The following LONRF2 variants were observed in gnomAD, a reference collection of about 807,000 sequenced individuals.
LONRF2 encodes LON peptidase N-terminal domain and RING finger protein 2.
Under a neutral mutation model 66.6 loss-of-function variants are expected in LONRF2, and 35 were observed. The ratio of observed to expected loss-of-function variants is 0.53; its 90% CI spans 0.40 to 0.70. The LOEUF is 0.70. Ranked by LOEUF, LONRF2 falls within the 30% of genes least tolerant of loss-of-function variation. The pLI, the probability that LONRF2 is intolerant of heterozygous loss-of-function variation, is 0.00. For missense variants in LONRF2, 902 were observed against 1,002.1 expected, an observed-to-expected ratio of 0.90 and a Z score of 1.35; for synonymous variants, 417 against 418.1, an observed-to-expected ratio of 1.00 and a Z score of 0.03.
In LONRF2 at chr2:100,321,831, C is replaced by A. The variant is rs1256793607; in HGVS notation, c.263G>T (p.Gly88Val). ...LGAFRGAARL[G>V]ALRPEELEEL... is the part of the protein sequence containing the mutation. Reference sequence around the variant, plus strand: ...TTCCAGCTCCTCCGGCCGCAGCGCCCCGAGCCGCGCGGCGCCGCGGAACGC... The same window carrying A: ...TTCCAGCTCCTCCGGCCGCAGCGCCACGAGCCGCGCGGCGCCGCGGAACGC... The change falls in exon 1 of 12, where the codon GGG becomes GTG. Residue 88 changes from glycine (G) to valine (V), a missense_variant. Physicochemically the swap from Gly to Val is moderately radical, Grantham distance 109. Coordinates refer to ENST00000393437, the MANE Select transcript of LONRF2 (RefSeq NM_198461.4). The A allele has an allele frequency of 4.4e-6, 5 of 1,124,126 alleles. No individual in the cohort carries two copies. The East Asian group carries it at 2.8e-4, about 64-fold the overall frequency. 69.6% of individuals were successfully genotyped at this position (1,124,126 alleles called of 1,614,324 possible). A position where few individuals can be genotyped will look rare whatever the true frequency, so the allele number is the denominator to read the frequency against.
Position 100,322,244 on chromosome 2 carries a change from C to G in LONRF2, c.-151G>C, listed in dbSNP as rs1675654993. The G allele has an allele frequency of 1.3e-6, 1 of 762,172 alleles. No homozygotes were observed. Among genetic ancestry groups the G allele is most frequent in the Non-Finnish European group, 1.7e-6 (1 of 574,002 alleles). 47.2% of individuals were successfully genotyped at this position (762,172 alleles called of 1,614,324 possible). On this transcript the variant is annotated 5_prime_UTR_variant, in exon 1 of 12. Transcript: ENST00000393437. ...GCGGCGCGCTGCGAGCGGCTGAGAC[C>G]GCGGGCGGGGGCGGGCGCCTGGCTT... is the stretch of plus-strand genomic sequence containing the variant.
At chr2:100,312,470 T>C (rs2104208375) in intron 1 of LONRF2, among the ~76,000 whole-genome samples, 1 of 152,348 alleles carries the variant, frequency 6.6e-6, no homozygotes, top group Non-Finnish European at 1.5e-5. Flanking sequence ...GCTTATACTA[T>C]CTTTGTGTTA....
chr2:100,299,351 T>A (rs760822683), intron 5 of LONRF2, 32 bp from the exon 6 acceptor site: 7 of 1,338,840 alleles, frequency 5.2e-6, no homozygotes, highest in Non-Finnish European at 7.3e-6. Context: ...ACGCTGTAAT[T>A]AACACCTAAG....
At position 100,299,327 on chromosome 2, in the gene LONRF2, C is replaced by G. The variant is rs997415790; in HGVS notation, c.1268-8G>C. The G allele has an allele frequency of 6.5e-7, 1 of 1,532,492 alleles. No homozygotes were observed. Among genetic ancestry groups the G allele is most frequent in the South Asian group, 1.2e-5 (1 of 80,920 alleles). 94.9% of individuals were successfully genotyped at this position (1,532,492 alleles called of 1,614,324 possible). On this transcript the variant is annotated splice_region_variant and splice_polypyrimidine_tract_variant and intron_variant, in intron 5 of 11. Coordinates refer to ENST00000393437, the MANE Select transcript of LONRF2 (RefSeq NM_198461.4). ...TCCTTTGAAGTGAGAGATCTGAATGCGAAAAAATTTAAAACGCTGTAATTA... is the reference window on the plus strand; with the variant it reads ...TCCTTTGAAGTGAGAGATCTGAATGGGAAAAAATTTAAAACGCTGTAATTA...
chr2:100,309,810 T>C (rs943937415), intron 1 of LONRF2, among the ~76,000 whole-genome samples: 3 of 152,130 alleles, frequency 2.0e-5, no homozygotes, highest in Admixed American at 2.0e-4. Context: ...GTAGCTGGGA[T>C]TACAGGTATG....
intron 9 of LONRF2, among the ~76,000 whole-genome samples, chr2:100,293,980 G>C (rs142992725): frequency 7.3e-4 from 111 of 152,296 alleles, no homozygotes; most frequent in African/African-American, 2.4e-3. Context: ...GTGGAAGCAT[G>C]AGCTGTCACA....
intron 1 of LONRF2, among the ~76,000 whole-genome samples, chr2:100,320,880 T>G (rs1675607516): frequency 6.6e-6 from 1 of 152,198 alleles, no homozygotes; most frequent in Non-Finnish European, 1.5e-5. Context: ...AACTATCTAG[T>G]AAGTTAAATA....
At chr2:100,297,293 T>A (rs1444595331) in intron 7 of LONRF2, among the ~76,000 whole-genome samples, 2 of 102,414 alleles carry the variant, frequency 2.0e-5, no homozygotes, top group African/African-American at 9.7e-5. Context: ...CATACCTGGC[T>A]AATTTTGTTT....
At chr2:100,304,613 T>A (rs1675252132) in intron 2 of LONRF2, among the ~76,000 whole-genome samples, 1 of 146,864 alleles carries the variant, frequency 6.8e-6, no homozygotes, top group African/African-American at 2.5e-5. Context: ...TCAGAGACAA[T>A]TTTAGTTGAC....
intron 7 of LONRF2, among the ~76,000 whole-genome samples, chr2:100,297,230 G>C (rs1158769268): frequency 6.6e-6 from 1 of 151,988 alleles, no homozygotes; most frequent in Admixed American, 6.6e-5. Context: ...CCGGGTTCAC[G>C]CCATTCTCCT....
chr2:100,289,430 C>CTTTTTTTT (rs10543662), intron 10 of LONRF2, among the ~76,000 whole-genome samples: 1 of 77,074 alleles, frequency 1.3e-5, no homozygotes, highest in Non-Finnish European at 2.2e-5. Flanking sequence ...ACAATAAGGT[C>CTTTTTTTT]TTTTTTTTTT....
At position 100,292,765 on chromosome 2, in the gene LONRF2, G is replaced by A. The variant is rs770171230; in HGVS notation, c.1757+1464C>T. ...TTCCCCACTCCTAATTATAAAGGCA[G>A]TCCCCAATATTTCCTCTTAAATGTT... is the stretch of plus-strand genomic sequence containing the variant. On this transcript the variant is annotated intron_variant, in intron 9 of 11. Transcript: ENST00000393437. Among the ~76,000 whole-genome samples, 38 of 152,128 alleles carry A rather than the reference G, an allele frequency of 2.5e-4. 1 individual carries two copies. Among genetic ancestry groups the A allele is most frequent in the Non-Finnish European group, 4.7e-4 (32 of 68,032 alleles).
In LONRF2 at chr2:100,315,830, T is replaced by C. The variant is rs1180818278; in HGVS notation, c.679+5585A>G. 2.6e-5 allele frequency among the ~76,000 whole-genome samples: 4 copies of C among 152,324 alleles called. No individual in the cohort carries two copies. In the South Asian group the frequency reaches 6.2e-4, roughly 24 times the overall value. On this transcript the variant is annotated intron_variant, in intron 1 of 11. Coordinates refer to ENST00000393437, the MANE Select transcript of LONRF2 (RefSeq NM_198461.4). ...CTTGTTACTGATTTTGGCTCCTTTA[T>C]TTCCTTCTTTGTACTCTCTTTGGAT...
At chr2:100,317,792 A>G (rs1675537159) in intron 1 of LONRF2, among the ~76,000 whole-genome samples, 1 of 152,124 alleles carries the variant, frequency 6.6e-6, no homozygotes, top group African/African-American at 2.4e-5. Flanking sequence ...TCTAGCTTCA[A>G]TAATTTTGTC....
At position 100,277,449 on chromosome 2, in the gene LONRF2, A is replaced by G. The variant is rs1157263998; in HGVS notation, c.*6849T>C. ...ACTACCGATGCCTCCTTAACACAGG[A>G]CAGAGTCAAGCCTGGGCCCTCTGGT... is the stretch of plus-strand genomic sequence containing the variant. On this transcript the variant is annotated 3_prime_UTR_variant, in exon 12 of 12. Transcript: ENST00000393437. The G allele has an allele frequency of 6.6e-6, 1 of 152,234 alleles. No homozygotes were observed. The highest frequency in any genetic ancestry group is 1.5e-5 in the Non-Finnish European group (1 of 68,096). 9.4% of individuals were successfully genotyped at this position (152,234 alleles called of 1,614,324 possible).
At chr2:100,317,719 G>C (rs977501045) in intron 1 of LONRF2, among the ~76,000 whole-genome samples, 2 of 151,466 alleles carry the variant, frequency 1.3e-5, no homozygotes, top group Non-Finnish European at 2.9e-5. Flanking sequence ...ATATTTTCAG[G>C]TAAAGAATTC....
rs1411456970 is a variant in LONRF2 at position 100,275,271 on chromosome 2, T to G, written c.*9027A>C. On this transcript the variant is annotated 3_prime_UTR_variant, in exon 12 of 12. Transcript: ENST00000393437. ...AATTCCCTACCTGGACATACCTACT[T>G]TCTTGGCTGGTGGTCTCAGGGCAAT... 6.6e-6 allele frequency: 1 copy of G among 152,296 alleles called. No individual in the cohort carries two copies. Among genetic ancestry groups the G allele is most frequent in the Non-Finnish European group, 1.5e-5 (1 of 68,118 alleles). 9.4% of individuals were successfully genotyped at this position (152,296 alleles called of 1,614,324 possible).
intron 2 of LONRF2, among the ~76,000 whole-genome samples, chr2:100,304,153 C>CT (rs58137330): frequency 0.55 from 82,104 of 150,268 alleles, 22,866 homozygotes; most frequent in East Asian, 0.77. Context: ...CTAGAATTTC[C>CT]TTTTTTTTTC....
chr2:100,296,313 A>G (rs931574275), intron 7 of LONRF2, among the ~76,000 whole-genome samples: 6 of 152,228 alleles, frequency 3.9e-5, no homozygotes, highest in African/African-American at 1.4e-4. Context: ...TCTGATGCAC[A>G]TCAGGGACCA....
Sources: allele counts gnomAD v4.1 joint callset (sites outside exome capture counted in the v4.1 genomes callset), GRCh38; gene constraint gnomAD v4.1.1; transcripts MANE v1.5; gene names NCBI Gene and HGNC (gene_info 2026-07-23, HGNC 2026-07-21).